The following EPHA4 variants were observed in gnomAD, a reference collection of about 807,000 sequenced individuals.
EPHA4 encodes the protein ephrin type-A receptor 4.
A neutral mutation model predicts 108.3 loss-of-function variants in EPHA4; 19 were observed. The observed-to-expected ratio is 0.18, with a 90% CI of 0.12 to 0.26. The LOEUF (loss-of-function observed/expected upper bound fraction) is 0.26, where lower values mean the gene tolerates loss of function less well. Ranked by LOEUF, EPHA4 falls within the 10% of genes least tolerant of loss-of-function variation. The probability of loss-of-function intolerance (pLI) is 1.00; values close to 1 mark genes in which losing one functional copy is unlikely to be tolerated. For missense variants in EPHA4, 917 were observed against 1,254.0 expected, an observed-to-expected ratio of 0.73 and a Z score of 4.06; for synonymous variants, 449 against 455.5, an observed-to-expected ratio of 0.99 and a Z score of 0.18.
rs769432864 is a variant in EPHA4 at position 221,436,521 on chromosome 2, A to G, written c.2224T>C (p.Tyr742His). Residue 742 changes from tyrosine (Y) to histidine (H), a missense_variant, in exon 13 of 18, where the codon TAT (tyrosine) becomes CAT (histidine). Physicochemically the swap from Tyr to His is moderately conservative, Grantham distance 83. Around this residue, in one of 3 missense-constraint regions of EPHA4, gnomAD observed 758 missense variants for 1,076.7 expected, o/e 0.70. Transcript: ENST00000281821. ...SGMKYLSDMSYVHRDLAARNI... is the reference protein window; with the variant it reads ...SGMKYLSDMSHVHRDLAARNI... ...CGTGCGGCCAGATCACGATGCACAT[A>G]GCTCATATCAGATAAATACTTCATC... The G allele has an allele frequency of 1.9e-6, 3 of 1,614,094 alleles. No individual in the cohort carries two copies. Among genetic ancestry groups the G allele is most frequent in the Non-Finnish European group, 2.5e-6 (3 of 1,180,044 alleles).
rs772461956 is a variant in EPHA4 at position 221,553,904 on chromosome 2, G to T, written c.823+9827C>A. 2.5e-4 allele frequency among the ~76,000 whole-genome samples: 38 copies of T among 152,286 alleles called. No individual in the cohort carries two copies. The Middle Eastern group carries it at 0.027, about 109-fold the overall frequency. ...AATACAAGCAAACAGGATTATCTGG[G>T]TAATTAAGAAACTGTACCACAGCTT... On this transcript the variant is annotated intron_variant, in intron 3 of 17. Coordinates refer to ENST00000281821, the MANE Select transcript of EPHA4 (RefSeq NM_004438.5).
Position 221,425,635 on chromosome 2 carries a change from A to G in EPHA4, c.*393T>C, listed in dbSNP as rs1689877331. The G allele has an allele frequency of 5.9e-6, 1 of 169,950 alleles. No individual in the cohort carries two copies. The highest frequency in any genetic ancestry group is 1.3e-5 in the Non-Finnish European group (1 of 79,294). The allele number at this position is 169,950 out of a possible 1,614,324, so 10.5% of individuals were successfully genotyped here. Reference sequence around the variant, plus strand: ...AGTGAAAGACAGATGACTGTAATTTATGCCACAAACAAAATACAATGGTTG... The same window carrying G: ...AGTGAAAGACAGATGACTGTAATTTGTGCCACAAACAAAATACAATGGTTG... On this transcript the variant is annotated 3_prime_UTR_variant, in exon 17 of 18. Transcript: ENST00000281821.
At chr2:221,435,741 C>T (rs985197445) in intron 13 of EPHA4, among the ~76,000 whole-genome samples, 2 of 152,044 alleles carry the variant, frequency 1.3e-5, no homozygotes. Flanking sequence ...TGTCCTAATC[C>T]CCGCTTATCT....
chr2:221,572,100 C>G, intron 1 of EPHA4, 58 bp downstream of exon 1: 2 of 1,455,564 alleles, frequency 1.4e-6, no homozygotes, highest in South Asian at 1.1e-5. Flanking sequence ...CCTGAGGACC[C>G]CTCACCCGCG....
chr2:221,491,176 T>G (rs1213868065), intron 4 of EPHA4, among the ~76,000 whole-genome samples: 1 of 152,226 alleles, frequency 6.6e-6, no homozygotes, highest in African/African-American at 2.4e-5. Flanking sequence ...TTTCTTTTTA[T>G]TAGGATGACT....
chr2:221,523,441 C>T (rs970977495), intron 3 of EPHA4, among the ~76,000 whole-genome samples: 1 of 152,068 alleles, frequency 6.6e-6, no homozygotes, highest in Non-Finnish European at 1.5e-5. Flanking sequence ...GCATGTGCCA[C>T]CACGCCCAGC....
chr2:221,437,196 C>A, intron 11 of EPHA4, 74 bp from the exon 12 acceptor site: 4 of 1,069,894 alleles, frequency 3.7e-6, no homozygotes, highest in African/African-American at 3.1e-5. Context: ...GGGCTGCGCA[C>A]AATTTTACTG....
At chr2:221,539,919 T>C (rs917370473) in intron 3 of EPHA4, among the ~76,000 whole-genome samples, 8 of 152,060 alleles carry the variant, frequency 5.3e-5, no homozygotes, top group Non-Finnish European at 5.9e-5. Context: ...GTTTTCTTTT[T>C]TCTTTTTGTT....
intron 3 of EPHA4, among the ~76,000 whole-genome samples, chr2:221,523,317 C>T (rs1484243183): frequency 1.3e-5 from 2 of 151,598 alleles, no homozygotes; most frequent in African/African-American, 4.9e-5. Context: ...GACGCAGTTT[C>T]CCTCTTGTTG....
rs534350783 is a variant in EPHA4, at chr2:221,536,183, G to A, written c.823+27548C>T. On this transcript the variant is annotated intron_variant, in intron 3 of 17. Coordinates refer to ENST00000281821, the MANE Select transcript of EPHA4 (RefSeq NM_004438.5). ...CTTAAGAGCTACCGGGCACCCTGTG[G>A]ATGACCTTGTCCAGTTAGCTATTTT... Among the ~76,000 whole-genome samples the A allele has an allele frequency of 5.9e-4, 90 of 152,300 alleles. No individual in the cohort carries two copies. The Middle Eastern group carries it at 0.01, about 17-fold the overall frequency.
chr2:221,545,400 C>T (rs1253345824), intron 3 of EPHA4, among the ~76,000 whole-genome samples: 3 of 151,936 alleles, frequency 2.0e-5, no homozygotes, highest in Non-Finnish European at 4.4e-5. Context: ...ACCCAGGAGG[C>T]GGAGGTTGCA....
chr2:221,515,052 T>C (rs1344179977), intron 3 of EPHA4, among the ~76,000 whole-genome samples: 2 of 152,194 alleles, frequency 1.3e-5, no homozygotes, highest in Non-Finnish European at 2.9e-5. Context: ...GCATGGGAAG[T>C]TGAAAACCTT....
chr2:221,420,905 T>G (rs1689740141), intron 17 of EPHA4, among the ~76,000 whole-genome samples: 1 of 152,164 alleles, frequency 6.6e-6, no homozygotes, highest in South Asian at 2.1e-4. Context: ...TAATTGATAT[T>G]TATGCTTTAA....
chr2:221,564,760 A>G (rs1472295747), intron 2 of EPHA4, among the ~76,000 whole-genome samples: 1 of 152,068 alleles, frequency 6.6e-6, no homozygotes, highest in African/African-American at 2.4e-5. Context: ...AAAAACTAGT[A>G]TGGGTATTGT....
chr2:221,485,997 T>C (rs1421304784), intron 4 of EPHA4, among the ~76,000 whole-genome samples: 2 of 152,188 alleles, frequency 1.3e-5, no homozygotes, highest in African/African-American at 2.4e-5. Flanking sequence ...ACTCCGATTA[T>C]TTTCTCTTTC....
chr2:221,544,524 A>G (rs1031415671), intron 3 of EPHA4, among the ~76,000 whole-genome samples: 3 of 152,034 alleles, frequency 2.0e-5, no homozygotes, highest in African/African-American at 7.2e-5. Context: ...TGGGGTTTCA[A>G]CATTTTGGCC....
At chr2:221,468,439 A>G (rs534966490) in intron 5 of EPHA4, among the ~76,000 whole-genome samples, 1 of 152,332 alleles carries the variant, frequency 6.6e-6, no homozygotes, top group African/African-American at 2.4e-5. Flanking sequence ...GGGAGCTTCA[A>G]GCATTCCAAA....
At chr2:221,517,728 T>G (rs545446488) in intron 3 of EPHA4, among the ~76,000 whole-genome samples, 2 of 152,236 alleles carry the variant, frequency 1.3e-5, no homozygotes, top group Admixed American at 1.3e-4. Flanking sequence ...TCCAAATGAG[T>G]CATGTCTGCA....
intron 17 of EPHA4, among the ~76,000 whole-genome samples, chr2:221,424,067 T>C (rs1689827668): frequency 1.3e-5 from 2 of 151,922 alleles, no homozygotes; most frequent in South Asian, 4.2e-4. Context: ...TGAGCCAAGA[T>C]TGCACCACTG....
Sources: gnomAD v4.1 joint callset for allele counts (sites outside exome capture counted in the v4.1 genomes callset) on GRCh38, gnomAD v4.1.1 for gene constraint, gnomAD v4.1.1 regional missense constraint, MANE v1.5 for transcripts, NCBI Gene and HGNC (gene_info 2026-07-23, HGNC 2026-07-21) for gene names.